The following SOX5 variants were observed in gnomAD, a reference collection of about 807,000 sequenced individuals.
SOX5 encodes transcription factor SOX-5.
A neutral mutation model predicts 92.0 loss-of-function variants in SOX5; 9 were observed. The observed-to-expected ratio is 0.10, with a 90% CI of 0.06 to 0.17. SOX5 has a LOEUF of 0.17. Ranked by LOEUF, SOX5 falls within the 10% of genes least tolerant of loss-of-function variation. The pLI, the probability that SOX5 is intolerant of heterozygous loss-of-function variation, is 1.00. For missense variants in SOX5, 642 were observed against 944.5 expected, an observed-to-expected ratio of 0.68 and a Z score of 4.20; for synonymous variants, 344 against 336.3, an observed-to-expected ratio of 1.02 and a Z score of -0.25.
intron 4 of SOX5, among the ~76,000 whole-genome samples, chr12:24,063,397 G>T (rs1343859854): frequency 3.3e-5 from 5 of 152,112 alleles, no homozygotes; most frequent in Admixed American, 3.3e-4. Flanking sequence ...TTCAGTAATG[G>T]CACTACATAG....
intron 9 of SOX5, among the ~76,000 whole-genome samples, chr12:23,588,750 CAT>C (rs1279286915): frequency 7.2e-5 from 10 of 138,914 alleles, no homozygotes; most frequent in African/African-American, 2.3e-4. Context: ...CACACACACA[CAT>C]ATGTACACAT....
intron 2 of SOX5, among the ~76,000 whole-genome samples, chr12:23,870,342 T>C (rs1381813668): frequency 2.6e-5 from 4 of 152,108 alleles, no homozygotes; most frequent in Admixed American, 6.5e-5. Flanking sequence ...ATTATAGGGA[T>C]ACAGGAATGG....
chr12:23,546,602 T>G (rs1053569497), intron 11 of SOX5, among the ~76,000 whole-genome samples, 178 bp from the exon 12 acceptor site: 27 of 152,168 alleles, frequency 1.8e-4, no homozygotes, highest in Middle Eastern at 3.2e-3. Context: ...AGCACGATTT[T>G]TGAAGGAACT....
At chr12:24,329,886 G>A (rs1364485716) in intron 2 of SOX5, among the ~76,000 whole-genome samples, 4 of 152,120 alleles carry the variant, frequency 2.6e-5, no homozygotes, top group Non-Finnish European at 5.9e-5. Flanking sequence ...AGCCAGGTGT[G>A]GTAGAACATG....
chr12:24,240,622 AG>A (rs926270211), intron 3 of SOX5, among the ~76,000 whole-genome samples: 3 of 152,196 alleles, frequency 2.0e-5, no homozygotes, highest in Non-Finnish European at 1.5e-5. Flanking sequence ...TCAGTAAGAA[AG>A]AAATAAAAAC....
chr12:24,387,223 G>A (rs1198323944), intron 1 of SOX5, among the ~76,000 whole-genome samples: 1 of 152,172 alleles, frequency 6.6e-6, no homozygotes, highest in African/African-American at 2.4e-5. Context: ...GGTCATTTGA[G>A]TAACTTTCCA....
chr12:24,384,005 C>A (rs570399126), intron 1 of SOX5, among the ~76,000 whole-genome samples: 10 of 152,108 alleles, frequency 6.6e-5, no homozygotes, highest in Non-Finnish European at 1.5e-4. Flanking sequence ...TTATAAGCGG[C>A]TTTTCCCCCT....
At chr12:23,867,529 A>G (rs2096827949) in intron 2 of SOX5, among the ~76,000 whole-genome samples, 1 of 152,170 alleles carries the variant, frequency 6.6e-6, no homozygotes, top group Non-Finnish European at 1.5e-5. Context: ...GTAAATATAT[A>G]AAAACACAAG....
At chr12:24,061,932 A>G (rs1592785588) in intron 4 of SOX5, among the ~76,000 whole-genome samples, 1 of 152,150 alleles carries the variant, frequency 6.6e-6, no homozygotes, top group Non-Finnish European at 1.5e-5. Flanking sequence ...AATGGTTTCA[A>G]ATAATTGTGT....
intron 4 of SOX5, among the ~76,000 whole-genome samples, chr12:24,171,065 T>A (rs1406477379): frequency 6.6e-6 from 1 of 150,974 alleles, no homozygotes. Flanking sequence ...GCTGTAGCAA[T>A]GGGGCAAAAT....
chr12:24,388,067 A>G (rs563321292), intron 1 of SOX5, among the ~76,000 whole-genome samples: 61 of 152,320 alleles, frequency 4.0e-4, no homozygotes, highest in Non-Finnish European at 7.6e-4. Flanking sequence ...TTTGCAAGGG[A>G]ACTTCAGAAG....
intron 1 of SOX5, among the ~76,000 whole-genome samples, chr12:24,542,689 G>A (rs1952249952): frequency 6.6e-6 from 1 of 152,154 alleles, no homozygotes; most frequent in South Asian, 2.1e-4. Flanking sequence ...CATAATTAGG[G>A]AAATATAAGG....
intron 2 of SOX5, among the ~76,000 whole-genome samples, chr12:23,887,661 A>G (rs1390682391): frequency 6.6e-6 from 1 of 152,200 alleles, no homozygotes; most frequent in Non-Finnish European, 1.5e-5. Context: ...AGGAAAGGAA[A>G]CATTTGAAAC....
chr12:23,903,833 T>C (rs1351052947), intron 1 of SOX5, among the ~76,000 whole-genome samples: 2 of 152,222 alleles, frequency 1.3e-5, no homozygotes, highest in Admixed American at 6.5e-5. Context: ...AACTTTACTG[T>C]GTATTAAAGA....
At position 24,135,797 on chromosome 12, in the gene SOX5, AG is replaced by A. The variant is rs544347019; in HGVS notation, c.-2+77545del. Reference sequence around the variant, plus strand: ...GCCTGGGGGCAGGCAGTCCAAGTGGAGGGGGAGGTGGAAATCAAGATGTGGA... The same window carrying A: ...GCCTGGGGGCAGGCAGTCCAAGTGGAGGGGAGGTGGAAATCAAGATGTGGA... On this transcript the variant is annotated intron_variant, in intron 4 of 4. Transcript: ENST00000446891. 2.7e-3 allele frequency among the ~76,000 whole-genome samples: 410 copies of A among 152,072 alleles called. 2 individuals carry two copies. The highest frequency in any genetic ancestry group is 8.8e-3 in the African/African-American group (363 of 41,476).
At chr12:24,362,019 T>C (rs534318950) in intron 2 of SOX5, among the ~76,000 whole-genome samples, 3 of 152,348 alleles carry the variant, frequency 2.0e-5, no homozygotes, top group African/African-American at 7.2e-5. Flanking sequence ...TAAGAGATCA[T>C]TGGCTTTACT....
intron 1 of SOX5, among the ~76,000 whole-genome samples, chr12:23,925,030 A>G (rs2138990209): frequency 6.6e-6 from 1 of 152,240 alleles, no homozygotes; most frequent in Non-Finnish European, 1.5e-5. Context: ...AAAAAAAAGA[A>G]AACCCAAGCC....
intron 4 of SOX5, among the ~76,000 whole-genome samples, chr12:23,986,934 C>T (rs1347165254): frequency 6.6e-6 from 1 of 152,122 alleles, no homozygotes; most frequent in Non-Finnish European, 1.5e-5. Context: ...GCTAAAGACT[C>T]ATTTTAAAAA....
chr12:24,319,973 G>A (rs1210016925), intron 2 of SOX5, among the ~76,000 whole-genome samples: 1 of 152,122 alleles, frequency 6.6e-6, no homozygotes, highest in African/African-American at 2.4e-5. Context: ...ACATGCTTAT[G>A]TTATCACTCA....
Sources: allele counts gnomAD v4.1 joint callset (sites outside exome capture counted in the v4.1 genomes callset), GRCh38; gene constraint gnomAD v4.1.1; transcripts MANE v1.5; gene names NCBI Gene and HGNC (gene_info 2026-07-23, HGNC 2026-07-21).